The following CACNG1 variants were observed in gnomAD, a reference collection of about 807,000 sequenced individuals.
The protein encoded by CACNG1 is voltage-dependent calcium channel gamma-1 subunit.
Under a neutral mutation model 22.0 loss-of-function variants are expected in CACNG1, and 21 were observed. That is an observed-to-expected ratio of 0.95 (90% CI 0.68 to 1.37). The LOEUF is 1.37. Ranked by LOEUF, CACNG1 falls within the 40% of genes most tolerant of loss-of-function variation. CACNG1 has a pLI of 0.00. For missense variants in CACNG1, 291 were observed against 308.6 expected (o/e 0.94, Z 0.43); for synonymous variants, 127 against 129.2 (o/e 0.98, Z 0.12).
At chr17:67,046,755 T>C (rs1030799539) in intron 1 of CACNG1, among the ~76,000 whole-genome samples, 2 of 152,162 alleles carry the variant, frequency 1.3e-5, no homozygotes, top group Non-Finnish European at 2.9e-5. Flanking sequence ...CTTGGAACCA[T>C]CTGCCTTTTA....
intron 1 of CACNG1, among the ~76,000 whole-genome samples, chr17:67,046,507 C>T (rs1360749476): frequency 6.6e-6 from 1 of 152,130 alleles, no homozygotes; most frequent in Non-Finnish European, 1.5e-5. Context: ...CTCATAAGTG[C>T]CCAGCTGTTG....
rs936856868 is a variant in CACNG1, at chr17:67,055,380, C to G, written c.442+140C>G. On this transcript the variant is annotated intron_variant, in intron 3 of 3. Transcript: ENST00000226021. This position sits in a 1 kb window ranked among gnomAD's most constrained non-coding sequence, Gnocchi z 4.5. ...ATCCCCATCCAGGGGCAAACCTGGC[C>G]AGGCCATCAGCGACTCCAGGTGGGT... 1.0e-6 allele frequency: 1 copy of G among 977,142 alleles called. No individual in the cohort carries two copies. Among genetic ancestry groups the G allele is most frequent in the African/African-American group, 1.6e-5 (1 of 61,338 alleles). 60.5% of individuals were successfully genotyped at this position (977,142 alleles called of 1,614,324 possible).
At chr17:67,051,469 TC>T (rs1330146968) in intron 1 of CACNG1, among the ~76,000 whole-genome samples, 2 of 152,032 alleles carry the variant, frequency 1.3e-5, no homozygotes, top group Non-Finnish European at 2.9e-5. Context: ...GAGACACCGG[TC>T]TTTTTCACAT....
intron 1 of CACNG1, among the ~76,000 whole-genome samples, chr17:67,053,206 C>A (rs1448853571): frequency 1.3e-5 from 2 of 152,176 alleles, no homozygotes; most frequent in African/African-American, 4.8e-5. Context: ...ACATGATGGT[C>A]ACATTCAGCC....
intron 1 of CACNG1, among the ~76,000 whole-genome samples, chr17:67,049,517 G>A (rs1275513896): frequency 1.3e-5 from 2 of 152,052 alleles, no homozygotes; most frequent in African/African-American, 4.8e-5. Context: ...TCTACAGGTG[G>A]GTCTCATTCT....
chr17:67,055,383 G>A lies in CACNG1; in HGVS notation c.442+143G>A. The A allele has an allele frequency of 1.2e-5, 11 of 941,724 alleles. No homozygotes were observed. Among genetic ancestry groups the A allele is most frequent in the Non-Finnish European group, 1.4e-5 (9 of 647,316 alleles). The allele number at this position is 941,724 out of a possible 1,614,324, so 58.3% of individuals were successfully genotyped here. A position where few individuals can be genotyped will look rare whatever the true frequency, so the allele number is the denominator to read the frequency against. On this transcript the variant is annotated intron_variant, in intron 3 of 3. Coordinates refer to ENST00000226021, the MANE Select transcript of CACNG1 (RefSeq NM_000727.4). This position sits in a 1 kb window ranked among gnomAD's most constrained non-coding sequence, Gnocchi z 4.5. ...CCCATCCAGGGGCAAACCTGGCCAG[G>A]CCATCAGCGACTCCAGGTGGGTTGG...
At chr17:67,045,266 C>T (rs2035689611) in intron 1 of CACNG1, among the ~76,000 whole-genome samples, 1 of 152,170 alleles carries the variant, frequency 6.6e-6, no homozygotes. Flanking sequence ...TAGGGGGACC[C>T]ATGGGGCTGG....
At chr17:67,048,569 G>A (rs1039907583) in intron 1 of CACNG1, among the ~76,000 whole-genome samples, 1 of 152,114 alleles carries the variant, frequency 6.6e-6, no homozygotes, top group Non-Finnish European at 1.5e-5. Flanking sequence ...ACATGGGGCA[G>A]GGAGAAGTCA....
At chr17:67,045,512 T>TGCCCCCA (rs2035691401) in intron 1 of CACNG1, among the ~76,000 whole-genome samples, 1 of 148,194 alleles carries the variant, frequency 6.7e-6, no homozygotes. Context: ...GTGAGCCACC[T>TGCCCCCA]GCCCCCACCT....
intron 1 of CACNG1, among the ~76,000 whole-genome samples, chr17:67,052,566 G>C (rs933126490): frequency 6.6e-6 from 1 of 152,112 alleles, no homozygotes; most frequent in African/African-American, 2.4e-5. Flanking sequence ...GAAATGAATT[G>C]GCAAACTAGA....
chr17:67,048,362 G>A (rs1040544323), intron 1 of CACNG1, among the ~76,000 whole-genome samples: 8 of 151,632 alleles, frequency 5.3e-5, no homozygotes, highest in Admixed American at 1.3e-4. Context: ...AGGAGTGGTG[G>A]CATGTGCCTG....
rs866479653 is a variant in CACNG1 at position 67,056,063 on chromosome 17, C to T, written c.461C>T (p.Ser154Leu). The T allele has an allele frequency of 3.1e-6, 5 of 1,611,836 alleles. No homozygotes were observed. The highest frequency in any genetic ancestry group is 1.3e-5 in the African/African-American group (1 of 74,998). Residue 154 changes from serine to leucine, a missense_variant, in exon 4 of 4, where the codon TCG becomes TTG. Transcript: ENST00000226021. This position sits in a 1 kb window ranked among gnomAD's most constrained non-coding sequence, Gnocchi z 4.3. The part of the protein sequence containing the change: ...YAFAGLCILV[S>L]VEVMRQSVKR... Reference sequence around the variant, plus strand: ...CCCCCAGGTCTCTGCATCCTCGTCTCGGTGGAGGTCATGCGGCAGTCGGTG... The same window carrying T: ...CCCCCAGGTCTCTGCATCCTCGTCTTGGTGGAGGTCATGCGGCAGTCGGTG...
chr17:67,044,949 G>C lies in CACNG1; in HGVS notation c.229+60G>C. On this transcript the variant is annotated intron_variant, in intron 1 of 3. Coordinates refer to ENST00000226021, the MANE Select transcript of CACNG1 (RefSeq NM_000727.4). The surrounding 1 kb of genome is among the most constrained non-coding windows in gnomAD (Gnocchi z 6.9). Reference sequence around the variant, plus strand: ...CCTGCTCTTCCCCGTCATCCCCCTGGCAAAGTTGCCCTTGCGAAGGAAGGC... The same window carrying C: ...CCTGCTCTTCCCCGTCATCCCCCTGCCAAAGTTGCCCTTGCGAAGGAAGGC... 2 of 1,427,894 alleles carry C rather than the reference G, an allele frequency of 1.4e-6. No homozygotes were observed. The highest frequency in any genetic ancestry group is 1.4e-5 in the African/African-American group (1 of 71,252). 88.5% of individuals were successfully genotyped at this position (1,427,894 alleles called of 1,614,324 possible).
intron 1 of CACNG1, among the ~76,000 whole-genome samples, chr17:67,050,536 C>A (rs989114197): frequency 3.3e-5 from 5 of 152,230 alleles, no homozygotes; most frequent in African/African-American, 1.2e-4. Context: ...TGGTTTTGGA[C>A]AAATCCACAA....
rs189146297 is a variant in CACNG1, at chr17:67,048,166, A to T, written c.229+3277A>T. Among the ~76,000 whole-genome samples, 260 of 152,286 alleles carry T rather than the reference A, an allele frequency of 1.7e-3. 1 individual carries two copies. The highest frequency in any genetic ancestry group is 4.4e-3 in the Admixed American group (67 of 15,290). ...GGAACAACTGATTTCCAGAGTTGCC[A>T]CATTATATTGTTTAAAAAATACTGG... On this transcript the variant is annotated intron_variant, in intron 1 of 3. Transcript: ENST00000226021.
rs1180565171 is a variant in CACNG1 at position 67,044,903 on chromosome 17, C to T, written c.229+14C>T. 5.6e-6 allele frequency: 9 copies of T among 1,595,386 alleles called. No homozygotes were observed. In the African/African-American group the frequency reaches 9.4e-5, roughly 17 times the overall value. Reference sequence around the variant, plus strand: ...CCCTGCCCGGGGGTAACGTACCCACCCTCCGTCCCGATCCCCACCTCCTGC... The same window carrying T: ...CCCTGCCCGGGGGTAACGTACCCACTCTCCGTCCCGATCCCCACCTCCTGC... On this transcript the variant is annotated intron_variant, in intron 1 of 3. Coordinates refer to ENST00000226021, the MANE Select transcript of CACNG1 (RefSeq NM_000727.4). This position sits in a 1 kb window ranked among gnomAD's most constrained non-coding sequence, Gnocchi z 6.9.
At chr17:67,053,129 C>T (rs1043321417) in intron 1 of CACNG1, among the ~76,000 whole-genome samples, 4 of 152,150 alleles carry the variant, frequency 2.6e-5, no homozygotes, top group African/African-American at 9.7e-5. Context: ...ATCAGGTGGG[C>T]CAAGCGGCTT....
Position 67,055,802 on chromosome 17 carries a change from A to G in CACNG1, c.443-243A>G, listed in dbSNP as rs2035757775. Among the ~76,000 whole-genome samples, 1 of 151,992 alleles carries G rather than the reference A, an allele frequency of 6.6e-6. No homozygotes were observed. Among genetic ancestry groups the G allele is most frequent in the Non-Finnish European group, 1.5e-5 (1 of 67,964 alleles). On this transcript the variant is annotated intron_variant, in intron 3 of 3. Transcript: ENST00000226021. This position sits in a 1 kb window ranked among gnomAD's most constrained non-coding sequence, Gnocchi z 4.5. Reference sequence around the variant, plus strand: ...CGATCCTCCTGCCTCAGCCTCCCAAAGTGCTGGGATTACAGGTGTGAGCCA... The same window carrying G: ...CGATCCTCCTGCCTCAGCCTCCCAAGGTGCTGGGATTACAGGTGTGAGCCA...
At chr17:67,047,244 A>G (rs1197751933) in intron 1 of CACNG1, among the ~76,000 whole-genome samples, 1 of 152,214 alleles carries the variant, frequency 6.6e-6, no homozygotes, top group Non-Finnish European at 1.5e-5. Flanking sequence ...GAACCTCCAA[A>G]AATAATCTTC....
Sources: allele counts gnomAD v4.1 joint callset (sites outside exome capture counted in the v4.1 genomes callset), GRCh38; gene constraint gnomAD v4.1.1; non-coding constraint Gnocchi (gnomAD v3.1); transcripts MANE v1.5; gene names NCBI Gene and HGNC (gene_info 2026-07-23, HGNC 2026-07-21).